TMEM232: variants seen among roughly 807,000 people sequenced by gnomAD.
TMEM232 encodes the protein transmembrane protein 232.
A neutral mutation model predicts 78.8 loss-of-function variants in TMEM232; 80 were observed. That is an observed-to-expected ratio of 1.01 (90% CI 0.85 to 1.22). TMEM232 has a LOEUF of 1.22. Among genes scored for constraint, TMEM232 ranks in the 50% most tolerant of loss-of-function variants. TMEM232 has a pLI of 0.00. For missense variants in TMEM232, 881 were observed against 742.2 expected (o/e 1.19, Z -2.17); for synonymous variants, 297 against 254.3 (o/e 1.17, Z -1.60).
At chr5:110,431,669 C>A (rs991320714) in intron 12 of TMEM232, among the ~76,000 whole-genome samples, 51 of 151,052 alleles carry the variant, frequency 3.4e-4, no homozygotes, top group African/African-American at 1.2e-3. Context: ...AAGAATTTTG[C>A]TAGAAAACTG....
intron 10 of TMEM232, among the ~76,000 whole-genome samples, chr5:110,577,983 C>T (rs1561723150): frequency 1.3e-5 from 2 of 151,772 alleles, no homozygotes; most frequent in Non-Finnish European, 2.9e-5. Context: ...CCCCATGACA[C>T]AAGTTTACCT....
chr5:110,595,471 C>T (rs749376328), intron 10 of TMEM232, among the ~76,000 whole-genome samples: 1 of 152,114 alleles, frequency 6.6e-6, no homozygotes, highest in Non-Finnish European at 1.5e-5. Flanking sequence ...TAGTAACAAA[C>T]TCCTCTGAGC....
intron 12 of TMEM232, among the ~76,000 whole-genome samples, chr5:110,439,096 A>G (rs987032348): frequency 6.6e-5 from 10 of 152,250 alleles, no homozygotes; most frequent in Non-Finnish European, 1.2e-4. Flanking sequence ...CAAACATTAG[A>G]TTTACTGTCT....
intron 1 of TMEM232, among the ~76,000 whole-genome samples, chr5:110,683,049 G>C (rs567922367): frequency 6.6e-6 from 1 of 152,036 alleles, no homozygotes; most frequent in Non-Finnish European, 1.5e-5. Flanking sequence ...TCTACAAATA[G>C]GGATTATATT....
At chr5:110,417,585 A>G (rs1299204598), downstream of TMEM232, 2 of 151,578 alleles carry the variant, frequency 1.3e-5, no homozygotes, top group Non-Finnish European at 2.9e-5. Context: ...TAAACTTAAA[A>G]GGTGATGCTT....
chr5:110,690,352 G>A (rs927618559), intron 1 of TMEM232, among the ~76,000 whole-genome samples: 1 of 151,956 alleles, frequency 6.6e-6, no homozygotes, highest in African/African-American at 2.4e-5. Flanking sequence ...ACATATATGT[G>A]GTCAAAAAAC....
At chr5:110,701,383 C>A (rs867531889) in intron 1 of TMEM232, among the ~76,000 whole-genome samples, 5 of 151,936 alleles carry the variant, frequency 3.3e-5, no homozygotes, top group Middle Eastern at 3.4e-3. Flanking sequence ...AGGAATAAAA[C>A]CAACAATCAA....
chr5:110,433,711 C>T (rs78068677), intron 12 of TMEM232, among the ~76,000 whole-genome samples: 5,110 of 150,712 alleles, frequency 0.034, 157 homozygotes, highest in African/African-American at 0.078. Flanking sequence ...AATGCATTTG[C>T]TGAATTTATT....
intron 2 of TMEM232, among the ~76,000 whole-genome samples, chr5:110,652,294 G>GCGTGCGCACACACACACA (rs1554069154): frequency 4.8e-5 from 7 of 145,360 alleles, no homozygotes; most frequent in African/African-American, 1.8e-4. Context: ...GCACGCGCGC[G>GCGTGCGCACACACACACA]CACACACACA....
chr5:110,570,718 T>G (rs1401371341), intron 10 of TMEM232, among the ~76,000 whole-genome samples: 2 of 152,052 alleles, frequency 1.3e-5, no homozygotes, highest in Non-Finnish European at 2.9e-5. Flanking sequence ...TCTTATTATT[T>G]ACTGCTTCAC....
intron 11 of TMEM232, among the ~76,000 whole-genome samples, chr5:110,557,958 G>C (rs1263142498): frequency 6.6e-6 from 1 of 152,162 alleles, no homozygotes; most frequent in Non-Finnish European, 1.5e-5. Context: ...CTGTGCTTTG[G>C]ATGGGCTTTT....
chr5:110,435,524 A>AT (rs1278831815), intron 12 of TMEM232, among the ~76,000 whole-genome samples: 3 of 151,804 alleles, frequency 2.0e-5, no homozygotes, highest in African/African-American at 7.2e-5. Flanking sequence ...TATATCTCCT[A>AT]TTGTGCTATC....
intron 1 of TMEM232, among the ~76,000 whole-genome samples, chr5:110,693,923 G>A (rs1025089798): frequency 6.6e-6 from 1 of 152,122 alleles, no homozygotes; most frequent in African/African-American, 2.4e-5. Context: ...AGCAAGGCAG[G>A]CCAACATTCA....
intron 12 of TMEM232, among the ~76,000 whole-genome samples, chr5:110,504,168 T>C (rs1254411855): frequency 2.6e-5 from 4 of 152,212 alleles, no homozygotes; most frequent in Non-Finnish European, 5.9e-5. Context: ...TACTGCAGAT[T>C]TTTTACTAGT....
At chr5:110,696,678 A>G (rs1794821825) in intron 1 of TMEM232, among the ~76,000 whole-genome samples, 1 of 152,236 alleles carries the variant, frequency 6.6e-6, no homozygotes, top group African/African-American at 2.4e-5. Context: ...GAGCCAAATC[A>G]TGAGTGAACT....
intron 10 of TMEM232, among the ~76,000 whole-genome samples, chr5:110,590,045 T>C (rs1044385937): frequency 3.9e-5 from 6 of 152,120 alleles, no homozygotes; most frequent in African/African-American, 9.7e-5. Flanking sequence ...TGGTTCTCCA[T>C]AAAAGGAATA....
chr5:110,657,271 T>A (rs1489299358), intron 2 of TMEM232, among the ~76,000 whole-genome samples: 1 of 152,104 alleles, frequency 6.6e-6, no homozygotes, highest in African/African-American at 2.4e-5. Context: ...GAAAATATAA[T>A]CAGTATGTGA....
chr5:110,719,786 CTT>C (rs758743921), intron 1 of TMEM232, among the ~76,000 whole-genome samples: 20 of 152,068 alleles, frequency 1.3e-4, no homozygotes, highest in Non-Finnish European at 2.1e-4. Flanking sequence ...GCAAGGCTCT[CTT>C]TGTCTTTTTC....
At chr5:110,677,449 G>A (rs1003490163) in intron 1 of TMEM232, among the ~76,000 whole-genome samples, 6 of 152,076 alleles carry the variant, frequency 3.9e-5, no homozygotes, top group African/African-American at 1.2e-4. Context: ...AAACCTCTAA[G>A]TTGTTGTAAT....
Sources: gnomAD v4.1 joint callset for allele counts (sites outside exome capture counted in the v4.1 genomes callset) on GRCh38, gnomAD v4.1.1 for gene constraint, MANE v1.5 for transcripts, NCBI Gene and HGNC (gene_info 2026-07-23, HGNC 2026-07-21) for gene names.